The following SH3GLB2 variants were observed in gnomAD, a reference collection of about 807,000 sequenced individuals.
The protein encoded by SH3GLB2 is SH3 domain containing GRB2 like, endophilin B2.
SH3GLB2 carries 24 observed loss-of-function variants against 48.0 expected under a neutral mutation model. That is an observed-to-expected ratio of 0.50 (90% CI 0.36 to 0.70). SH3GLB2 has a LOEUF of 0.70. Ranked by LOEUF, SH3GLB2 falls within the 30% of genes least tolerant of loss-of-function variation. The probability of loss-of-function intolerance (pLI) is 0.00; values close to 1 mark genes in which losing one functional copy is unlikely to be tolerated. For synonymous variants in SH3GLB2, 227 were observed against 207.6 expected (o/e 1.09, Z -0.80); for missense variants, 425 against 516.0 (o/e 0.82, Z 1.71).
intron 5 of SH3GLB2, chr9:129,012,520 A>C: frequency 2.4e-6 from 1 of 417,034 alleles, no homozygotes; most frequent in Non-Finnish European, 4.2e-6. Context: ...AAGTGGCTGC[A>C]GGCACTGGAG....
At position 129,007,647 on chromosome 9, in the gene SH3GLB2, G is replaced by A. The variant is rs993987320; in HGVS notation, c.*1037C>T. ...TTGCTGATCTCATCTGTGAAATGTG[G>A]ACACTGAGGACGGCATGAGAACCCA... On this transcript the variant is annotated 3_prime_UTR_variant, in exon 11 of 11. Transcript: ENST00000372564. The A allele has an allele frequency of 2.6e-5, 4 of 152,314 alleles. No individual in the cohort carries two copies. Among genetic ancestry groups the A allele is most frequent in the Non-Finnish European group, 5.9e-5 (4 of 68,042 alleles). 9.4% of individuals were successfully genotyped at this position (152,314 alleles called of 1,614,324 possible).
intron 5 of SH3GLB2, chr9:129,012,856 C>G (rs1195659591): frequency 1.1e-6 from 1 of 947,014 alleles, no homozygotes; most frequent in African/African-American, 1.7e-5. Flanking sequence ...GCATCCCCCC[C>G]TAAACCAGAG....
intron 2 of SH3GLB2, among the ~76,000 whole-genome samples, chr9:129,021,958 C>CAAAA (rs112400796): frequency 5.6e-5 from 3 of 53,392 alleles, no homozygotes; most frequent in South Asian, 5.8e-4. Context: ...GACTCCACCT[C>CAAAA]AAAAAAAAAA....
At chr9:129,023,093 G>A (rs1843915458) in intron 1 of SH3GLB2, among the ~76,000 whole-genome samples, 1 of 152,186 alleles carries the variant, frequency 6.6e-6, no homozygotes, top group Non-Finnish European at 1.5e-5. Flanking sequence ...CATAAAGGCT[G>A]GGTCGGCTAC....
At chr9:129,013,117 G>C in intron 5 of SH3GLB2, 1 of 1,420,512 alleles carries the variant, frequency 7.0e-7, no homozygotes, top group Non-Finnish European at 9.7e-7. Flanking sequence ...GCCCCAGTGG[G>C]AGGGGACACC....
At position 129,028,255 on chromosome 9, in the gene SH3GLB2, C is replaced by T. The variant is rs1489377713; in HGVS notation, c.-101G>A. The T allele has an allele frequency of 2.7e-6, 2 of 732,012 alleles. No homozygotes were observed. Among genetic ancestry groups the T allele is most frequent in the Non-Finnish European group, 1.7e-6 (1 of 595,730 alleles). 45.3% of individuals were successfully genotyped at this position (732,012 alleles called of 1,614,324 possible). A position where few individuals can be genotyped will look rare whatever the true frequency, so the allele number is the denominator to read the frequency against. ...ACCCCGCCCACCTGCTGCGGGGCAC[C>T]AGCCCTCCGCGCACCCGCCTGCCGG... is the stretch of plus-strand genomic sequence containing the variant. On this transcript the variant is annotated 5_prime_UTR_variant, in exon 1 of 11. Transcript: ENST00000372564.
chr9:129,028,026 C>T, intron 1 of SH3GLB2, 66 bp downstream of exon 1: 1 of 1,444,272 alleles, frequency 6.9e-7, no homozygotes, highest in Non-Finnish European at 9.2e-7. Flanking sequence ...CAGGCGTCTG[C>T]CGCAGGGTGC....
Position 129,014,692 on chromosome 9 carries a change from G to A in SH3GLB2, c.468+79C>T. On this transcript the variant is annotated intron_variant, in intron 4 of 10. Coordinates refer to ENST00000372564, the MANE Select transcript of SH3GLB2 (RefSeq NM_020145.4). The surrounding 1 kb of genome is among the most constrained non-coding windows in gnomAD (Gnocchi z 4.1). ...CAGGAGTTTTGTAGCCCCAGCACTG[G>A]AAGAGAGCCTGTACTCAAAGGCTCT... 6.4e-7 allele frequency: 1 copy of A among 1,560,148 alleles called. No individual in the cohort carries two copies. Among genetic ancestry groups the A allele is most frequent in the South Asian group, 1.2e-5 (1 of 83,694 alleles).
intron 8 of SH3GLB2, 73 bp downstream of exon 8, chr9:129,010,047 C>T (rs1176242220): frequency 1.3e-6 from 2 of 1,509,634 alleles, no homozygotes; most frequent in East Asian, 2.3e-5. Flanking sequence ...GGCAGCCCTG[C>T]TGACCTTGTG....
chr9:129,014,659 G>A lies in SH3GLB2; in HGVS notation c.468+112C>T, dbSNP rs1843319862. 6.6e-7 allele frequency: 1 copy of A among 1,506,366 alleles called. No homozygotes were observed. Among genetic ancestry groups the A allele is most frequent in the East Asian group, 2.3e-5 (1 of 44,064 alleles). The allele number at this position is 1,506,366 out of a possible 1,614,324, so 93.3% of individuals were successfully genotyped here. ...CTCAGTCCAAAGGAGCCCTCTCTGG[G>A]GAGGCCTCAGGAGTTTTGTAGCCCC... On this transcript the variant is annotated intron_variant, in intron 4 of 10. Transcript: ENST00000372564. This position sits in a 1 kb window ranked among gnomAD's most constrained non-coding sequence, Gnocchi z 4.1.
At chr9:129,026,596 A>C (rs1391015680) in intron 1 of SH3GLB2, among the ~76,000 whole-genome samples, 4 of 151,356 alleles carry the variant, frequency 2.6e-5, no homozygotes, top group Non-Finnish European at 5.9e-5. Context: ...CTCCAGTAAC[A>C]GTGACCCTGT....
chr9:129,021,211 C>T lies in SH3GLB2; in HGVS notation c.214G>A (p.Val72Met). 1 of 1,606,734 alleles carries T rather than the reference C, an allele frequency of 6.2e-7. No homozygotes were observed. The highest frequency in any genetic ancestry group is 1.1e-5 in the South Asian group (1 of 90,172). ...VLLQPNPSAR[V>M]EEFLYEKLDR... ...AGCTTCTCATACAGGAACTCCTCCA[C>T]TCGGGCACCTGTGGGGAGACAGCAG... Residue 72 changes from valine to methionine, a missense_variant, in exon 3 of 11, where the codon GTG becomes ATG. Transcript: ENST00000372564.
intron 10 of SH3GLB2, 103 bp from the exon 11 acceptor site, chr9:129,008,894 T>G: frequency 7.7e-7 from 1 of 1,293,756 alleles, no homozygotes; most frequent in Non-Finnish European, 1.1e-6. Flanking sequence ...GCCCGTGGCA[T>G]GTGCTACACC....
intron 3 of SH3GLB2, among the ~76,000 whole-genome samples, chr9:129,015,519 T>C (rs1034977723): frequency 6.6e-6 from 1 of 152,128 alleles, no homozygotes; most frequent in African/African-American, 2.4e-5. Context: ...GCAGACTGCT[T>C]GAACCCAGCT....
At chr9:129,016,752 C>T (rs934940254) in intron 3 of SH3GLB2, among the ~76,000 whole-genome samples, 10 of 151,840 alleles carry the variant, frequency 6.6e-5, no homozygotes, top group African/African-American at 2.2e-4. Flanking sequence ...TATACTACTA[C>T]CAGACAAAAT....
chr9:129,025,833 C>G (rs1024936836), intron 1 of SH3GLB2, among the ~76,000 whole-genome samples: 4 of 142,674 alleles, frequency 2.8e-5, no homozygotes, highest in Non-Finnish European at 6.1e-5. Context: ...CTTTCCCAAA[C>G]TAGACGGCAT....
In SH3GLB2 at chr9:129,016,341, TTAAAAAAAAA is replaced by T. The variant is rs1332275328; in HGVS notation, c.335-1447_335-1438del. 1.2e-3 allele frequency among the ~76,000 whole-genome samples: 132 copies of T among 111,118 alleles called. 6 individuals are homozygous for T. The highest frequency in any genetic ancestry group is 6.6e-3 in the Admixed American group (68 of 10,346). 72.9% of individuals were successfully genotyped at this position (111,118 alleles called of 152,430 possible). On this transcript the variant is annotated intron_variant, in intron 3 of 10. Coordinates refer to ENST00000372564, the MANE Select transcript of SH3GLB2 (RefSeq NM_020145.4). ...CTGGGCAACAAGAGCAAGACTGTCTTTAAAAAAAAAAAAAAAAAAAAAAAAAAAAAAAGAT... is the reference window on the plus strand; with the variant it reads ...CTGGGCAACAAGAGCAAGACTGTCTTAAAAAAAAAAAAAAAAAAAAAAGAT...
chr9:129,021,265 C>G, intron 2 of SH3GLB2, 46 bp from the exon 3 acceptor site: 1 of 1,548,446 alleles, frequency 6.5e-7, no homozygotes, highest in Non-Finnish European at 8.7e-7. Context: ...TTAGTTCAAG[C>G]CCAAAAATGA....
At chr9:129,022,692 G>C (rs543552184) in intron 1 of SH3GLB2, among the ~76,000 whole-genome samples, 271 of 152,354 alleles carry the variant, frequency 1.8e-3, no homozygotes, top group African/African-American at 6.3e-3. Flanking sequence ...CCACAAAAAT[G>C]CACCTTCATA....
Sources: gnomAD v4.1 joint callset for allele counts (sites outside exome capture counted in the v4.1 genomes callset) on GRCh38, gnomAD v4.1.1 for gene constraint, Gnocchi (gnomAD v3.1) non-coding constraint, MANE v1.5 for transcripts, NCBI Gene and HGNC (gene_info 2026-07-23, HGNC 2026-07-21) for gene names.